The following PRDM16 variants were observed in gnomAD, a reference collection of about 807,000 sequenced individuals.
PRDM16 encodes the protein histone-lysine N-methyltransferase PRDM16.
A neutral mutation model predicts 110.6 loss-of-function variants in PRDM16; 23 were observed. The ratio of observed to expected loss-of-function variants is 0.21; its 90% CI spans 0.15 to 0.29. The LOEUF (loss-of-function observed/expected upper bound fraction) is 0.29. Among genes scored for constraint, PRDM16 ranks in the 10% least tolerant of loss-of-function variants. The probability of loss-of-function intolerance (pLI) is 1.00; values close to 1 mark genes in which losing one functional copy is unlikely to be tolerated. For synonymous variants in PRDM16, 799 were observed against 781.8 expected (o/e 1.02, Z -0.37); for missense variants, 1,615 against 1,794.3 (o/e 0.90, Z 1.81).
chr1:3,108,037 C>A (rs973977954), intron 1 of PRDM16, among the ~76,000 whole-genome samples: 3 of 152,268 alleles, frequency 2.0e-5, no homozygotes, highest in Non-Finnish European at 4.4e-5. Context: ...CCATGCCAAA[C>A]TGATTCCTTT....
chr1:3,283,384 C>T (rs572894756), intron 3 of PRDM16, among the ~76,000 whole-genome samples: 42 of 152,324 alleles, frequency 2.8e-4, no homozygotes, highest in African/African-American at 7.5e-4. Context: ...CTCTGTCCCT[C>T]TCTCCCTCCC....
intron 1 of PRDM16, among the ~76,000 whole-genome samples, chr1:3,141,824 T>C (rs933510065): frequency 1.3e-5 from 2 of 152,230 alleles, no homozygotes; most frequent in East Asian, 1.9e-4. Context: ...ACTGTCTCAG[T>C]TGGGGTGGGG....
intron 1 of PRDM16, among the ~76,000 whole-genome samples, chr1:3,090,653 G>C (rs887713222): frequency 6.6e-6 from 1 of 152,246 alleles, no homozygotes; most frequent in African/African-American, 2.4e-5. Flanking sequence ...CGGCCACACA[G>C]CCTGGCTACT....
intron 12 of PRDM16, among the ~76,000 whole-genome samples, chr1:3,423,988 A>G (rs531707333): frequency 2.8e-4 from 43 of 152,274 alleles, no homozygotes; most frequent in Admixed American, 6.5e-4. Context: ...GTGTGCACAC[A>G]CAGGCATGGC....
In PRDM16 at chr1:3,399,272, G is replaced by A. The variant is rs76029539; in HGVS notation, c.676+2679G>A. 8.7e-3 allele frequency among the ~76,000 whole-genome samples: 1,330 copies of A among 152,340 alleles called. 16 individuals carry two copies. The highest frequency in any genetic ancestry group is 0.031 in the African/African-American group (1,275 of 41,568). On this transcript the variant is annotated intron_variant, in intron 5 of 16. Coordinates refer to ENST00000270722, the MANE Select transcript of PRDM16 (RefSeq NM_022114.4). The stretch of plus-strand genomic sequence containing the variant: ...GCAGTGCGTGGAGGACAGAGCGCAT[G>A]AGCCAGCCAGATCGTGAGATCAGAG...
At chr1:3,240,774 C>A (rs1249364886) in intron 2 of PRDM16, among the ~76,000 whole-genome samples, 6 of 152,210 alleles carry the variant, frequency 3.9e-5, no homozygotes, top group African/African-American at 1.4e-4. Flanking sequence ...GGCCTCTTTG[C>A]TGACTTTTTG....
chr1:3,146,121 G>T (rs12029725), intron 1 of PRDM16, among the ~76,000 whole-genome samples: 1 of 152,106 alleles, frequency 6.6e-6, no homozygotes, highest in Non-Finnish European at 1.5e-5. Context: ...GTGGGCATCA[G>T]GGCTCTGCTG....
At chr1:3,223,466 C>T (rs1225093763) in intron 2 of PRDM16, among the ~76,000 whole-genome samples, 1 of 152,050 alleles carries the variant, frequency 6.6e-6, no homozygotes, top group Non-Finnish European at 1.5e-5. Context: ...AGGTGCTGAC[C>T]CCACGCTCAC....
In PRDM16 at chr1:3,296,249, C is replaced by T. The variant is rs767634500; in HGVS notation, c.438+52112C>T. ...CACGACCAGTGCCCTCTGGAGCTGC[C>T]GTCCAGCCCCAGTTCCCATCTGCAG... On this transcript the variant is annotated intron_variant, in intron 3 of 16. Transcript: ENST00000270722. 4.6e-5 allele frequency among the ~76,000 whole-genome samples: 7 copies of T among 152,310 alleles called. No individual in the cohort carries two copies. In the East Asian group the frequency reaches 9.7e-4, roughly 21 times the overall value.
At chr1:3,395,333 G>A (rs552623471) in intron 4 of PRDM16, among the ~76,000 whole-genome samples, 1 of 152,258 alleles carries the variant, frequency 6.6e-6, no homozygotes, top group South Asian at 2.1e-4. Flanking sequence ...TCACCCACAA[G>A]GATGGCCACG....
chr1:3,144,657 A>G (rs768641674), intron 1 of PRDM16, among the ~76,000 whole-genome samples: 3 of 152,144 alleles, frequency 2.0e-5, no homozygotes, highest in Non-Finnish European at 2.9e-5. Context: ...AGGAGAGGAA[A>G]CCAAGGCGTG....
At position 3,436,441 on chromosome 1, in the gene PRDM16, T is replaced by G. The variant is rs1638912855; in HGVS notation, c.*2630T>G. The G allele has an allele frequency of 4.3e-6, 1 of 231,446 alleles. No homozygotes were observed. Among genetic ancestry groups the G allele is most frequent in the Non-Finnish European group, 8.5e-6 (1 of 116,998 alleles). 14.3% of individuals were successfully genotyped at this position (231,446 alleles called of 1,614,324 possible). On this transcript the variant is annotated 3_prime_UTR_variant, in exon 17 of 17. Transcript: ENST00000270722. ...GTTGCACGTTTTAAGTCATATATTT[T>G]CGTCCCCCTGAAAATGATGGCAAGC...
At chr1:3,127,173 T>A (rs983722172) in intron 1 of PRDM16, among the ~76,000 whole-genome samples, 5 of 152,254 alleles carry the variant, frequency 3.3e-5, no homozygotes, top group Non-Finnish European at 5.9e-5. Flanking sequence ...ATTTCAGCAC[T>A]GTGCTTTCTA....
intron 3 of PRDM16, among the ~76,000 whole-genome samples, chr1:3,363,424 G>T (rs1385102631): frequency 6.6e-6 from 1 of 152,172 alleles, no homozygotes; most frequent in Admixed American, 6.5e-5. Flanking sequence ...CTGGGCTGCT[G>T]GTCCCTGGAT....
At position 3,080,757 on chromosome 1, in the gene PRDM16, C is replaced by T. The variant is rs530068889; in HGVS notation, c.37+11461C>T. On this transcript the variant is annotated intron_variant, in intron 1 of 16. Transcript: ENST00000270722. This position sits in a 1 kb window ranked among gnomAD's most constrained non-coding sequence, Gnocchi z 5.2. ...TTTCTGTTCCGAGGAACATGTTGGG[C>T]GGTTTCTTCCGGGCCGGGGAAATCT... Among the ~76,000 whole-genome samples, 26 of 152,240 alleles carry T rather than the reference C, an allele frequency of 1.7e-4. No homozygotes were observed. The highest frequency in any genetic ancestry group is 4.6e-4 in the African/African-American group (19 of 41,532).
intron 2 of PRDM16, among the ~76,000 whole-genome samples, chr1:3,210,127 C>T (rs750570646): frequency 6.6e-6 from 1 of 152,308 alleles, no homozygotes; most frequent in East Asian, 1.9e-4. Context: ...ATTGCAGCAG[C>T]GGAAACCAGC....
intron 3 of PRDM16, among the ~76,000 whole-genome samples, chr1:3,345,637 G>T (rs958093312): frequency 6.6e-6 from 1 of 152,226 alleles, no homozygotes; most frequent in Non-Finnish European, 1.5e-5. Flanking sequence ...CCCACTGTTG[G>T]TTCCAAATGT....
In PRDM16 at chr1:3,209,212, C is replaced by A. The variant is rs1638822853; in HGVS notation, c.387+22738C>A. On this transcript the variant is annotated intron_variant, in intron 2 of 16. Coordinates refer to ENST00000270722, the MANE Select transcript of PRDM16 (RefSeq NM_022114.4). This position sits in a 1 kb window ranked among gnomAD's most constrained non-coding sequence, Gnocchi z 4.6. ...AATTAATCATTTATTTGGTAAAGGC[C>A]CATGACTGAGTGGAAAAGCAACAAG... Among the ~76,000 whole-genome samples, 1 of 152,124 alleles carries A rather than the reference C, an allele frequency of 6.6e-6. No individual in the cohort carries two copies. The highest frequency in any genetic ancestry group is 1.5e-5 in the Non-Finnish European group (1 of 68,026).
chr1:3,281,069 C>T (rs1159659903), intron 3 of PRDM16, among the ~76,000 whole-genome samples: 1 of 152,262 alleles, frequency 6.6e-6, no homozygotes, highest in Non-Finnish European at 1.5e-5. Context: ...TGCACCTGTC[C>T]AGCCTCAGCC....
Sources: allele counts gnomAD v4.1 joint callset (sites outside exome capture counted in the v4.1 genomes callset), GRCh38; gene constraint gnomAD v4.1.1; non-coding constraint Gnocchi (gnomAD v3.1); transcripts MANE v1.5; gene names NCBI Gene and HGNC (gene_info 2026-07-23, HGNC 2026-07-21).